RPS6KA2: variants seen among roughly 807,000 people sequenced by gnomAD.
The protein encoded by RPS6KA2 is ribosomal protein S6 kinase A2.
Under a neutral mutation model 91.8 loss-of-function variants are expected in RPS6KA2, and 42 were observed. The observed-to-expected ratio is 0.46, with a 90% CI of 0.36 to 0.59. RPS6KA2 has a LOEUF of 0.59. RPS6KA2 is among the 20% of genes least tolerant of loss of function. RPS6KA2 has a pLI of 0.00. For synonymous variants in RPS6KA2, 414 were observed against 393.6 expected (o/e 1.05, Z -0.61); for missense variants, 798 against 978.5 (o/e 0.82, Z 2.46).
chr6:166,617,003 G>A (rs903507929), intron 1 of RPS6KA2, among the ~76,000 whole-genome samples: 2 of 152,256 alleles, frequency 1.3e-5, no homozygotes, highest in Non-Finnish European at 2.9e-5. Context: ...AGGTACAGGA[G>A]AGCCCTTGAC....
At chr6:166,819,408 C>T (rs953262650) in intron 2 of RPS6KA2, among the ~76,000 whole-genome samples, 1 of 152,106 alleles carries the variant, frequency 6.6e-6, no homozygotes, top group African/African-American at 2.4e-5. Context: ...CTCTGCAACC[C>T]CATATACCCA....
chr6:166,508,369 T>TG lies in RPS6KA2; in HGVS notation c.380-88dup. 1.1e-6 allele frequency: 1 copy of TG among 877,862 alleles called. No individual in the cohort carries two copies. The highest frequency in any genetic ancestry group is 1.9e-6 in the Non-Finnish European group (1 of 534,652). The allele number at this position is 877,862 out of a possible 1,614,324, so 54.4% of individuals were successfully genotyped here. A position where few individuals can be genotyped will look rare whatever the true frequency, so the allele number is the denominator to read the frequency against. On this transcript the variant is annotated intron_variant, in intron 4 of 20. Transcript: ENST00000265678. The surrounding 1 kb of genome is among the most constrained non-coding windows in gnomAD (Gnocchi z 4.3). ...TCTGGCTTCTCCCTGCTCACGGTGC[T>TG]GCTTACTCCGGGAGGCTGAGTCACT...
intron 1 of RPS6KA2, among the ~76,000 whole-genome samples, chr6:166,559,333 T>C (rs977002386): frequency 1.3e-5 from 2 of 152,164 alleles, no homozygotes; most frequent in Non-Finnish European, 2.9e-5. Flanking sequence ...AGAAAATACA[T>C]GGGTAGGATG....
chr6:166,851,638 T>TGGA (rs1456480014), intron 2 of RPS6KA2, among the ~76,000 whole-genome samples: 9 of 152,188 alleles, frequency 5.9e-5, no homozygotes, highest in African/African-American at 1.7e-4. Context: ...CGGGACACAG[T>TGGA]CTCCAGCCGG....
In RPS6KA2 at chr6:166,419,970, C is replaced by A. The variant is rs200749590; in HGVS notation, c.1744-12G>T. On this transcript the variant is annotated splice_polypyrimidine_tract_variant and intron_variant, in intron 17 of 20. Transcript: ENST00000265678. The surrounding 1 kb of genome is among the most constrained non-coding windows in gnomAD (Gnocchi z 5.6). ...TGACGCTTCAGGACCTAGGAGGGAA[C>A]GACAGGACACCGGCACGCCCTTCAC... is the stretch of plus-strand genomic sequence containing the variant. 6.2e-7 allele frequency: 1 copy of A among 1,612,502 alleles called. No individual in the cohort carries two copies. The highest frequency in any genetic ancestry group is 8.5e-7 in the Non-Finnish European group (1 of 1,178,832).
chr6:166,548,676 ATAAT>A (rs1783903709), intron 1 of RPS6KA2, among the ~76,000 whole-genome samples: 1 of 152,248 alleles, frequency 6.6e-6, no homozygotes, highest in African/African-American at 2.4e-5. Context: ...CTCTTATACA[ATAAT>A]TAACTGAAAA....
intron 2 of RPS6KA2, among the ~76,000 whole-genome samples, chr6:166,745,193 C>A (rs1790959960): frequency 6.7e-6 from 1 of 148,956 alleles, no homozygotes. Flanking sequence ...CCCTTGTTGC[C>A]CAGGCTGGAG....
In RPS6KA2 at chr6:166,533,617, C is replaced by G. The variant is rs112231219; in HGVS notation, c.217-2304G>C. Reference sequence around the variant, plus strand: ...CTCCCTGCTGTGGCAACTGAGGACACCTGGTGCAGGACAAACCGGGCAGCC... The same window carrying G: ...CTCCCTGCTGTGGCAACTGAGGACAGCTGGTGCAGGACAAACCGGGCAGCC... On this transcript the variant is annotated intron_variant, in intron 2 of 20. Transcript: ENST00000265678. This position sits in a 1 kb window ranked among gnomAD's most constrained non-coding sequence, Gnocchi z 4.0. Among the ~76,000 whole-genome samples the G allele has an allele frequency of 0.027, 4,040 of 152,296 alleles. 173 individuals are homozygous for G. Among genetic ancestry groups the G allele is most frequent in the African/African-American group, 0.09 (3,734 of 41,544 alleles).
At chr6:166,467,819 G>A (rs146124844) in intron 11 of RPS6KA2, among the ~76,000 whole-genome samples, 88 of 152,380 alleles carry the variant, frequency 5.8e-4, no homozygotes, top group South Asian at 2.1e-3. Context: ...CAAGACCCAC[G>A]GGTGCAGGAC....
chr6:166,759,537 C>G (rs1778111195), intron 2 of RPS6KA2, among the ~76,000 whole-genome samples: 1 of 152,224 alleles, frequency 6.6e-6, no homozygotes, highest in African/African-American at 2.4e-5. Flanking sequence ...GAAATTTCGT[C>G]TCTGTGATTT....
At chr6:166,784,273 G>A (rs866964588) in intron 2 of RPS6KA2, among the ~76,000 whole-genome samples, 4 of 934 alleles carry the variant, frequency 4.3e-3, no homozygotes, top group African/African-American at 7.9e-3. Context: ...AACCACATAT[G>A]CACACGTGCA....
chr6:166,590,112 G>T (rs1166038731), intron 1 of RPS6KA2, among the ~76,000 whole-genome samples: 3 of 152,154 alleles, frequency 2.0e-5, no homozygotes, highest in Non-Finnish European at 2.9e-5. Flanking sequence ...AAGACACAGG[G>T]GCTGGAATTG....
chr6:166,504,351 G>A (rs1330390264), intron 6 of RPS6KA2, among the ~76,000 whole-genome samples, 155 bp downstream of exon 6: 2 of 152,236 alleles, frequency 1.3e-5, no homozygotes, highest in Non-Finnish European at 2.9e-5. Flanking sequence ...CCTGATGCCT[G>A]AGCCGGTCCT....
At chr6:166,656,748 G>A (rs1162376643) in intron 2 of RPS6KA2, among the ~76,000 whole-genome samples, 2 of 152,232 alleles carry the variant, frequency 1.3e-5, no homozygotes. Context: ...AGAATTCCCT[G>A]TGGAAAAGGG....
At chr6:166,601,843 A>G (rs577735993) in intron 1 of RPS6KA2, among the ~76,000 whole-genome samples, 1 of 152,264 alleles carries the variant, frequency 6.6e-6, no homozygotes, top group South Asian at 2.1e-4. Context: ...TAGACTTCTT[A>G]ATTAAGACAC....
Position 166,557,661 on chromosome 6 carries a change from C to G in RPS6KA2, c.100-18877G>C, listed in dbSNP as rs1478710691. On this transcript the variant is annotated intron_variant, in intron 1 of 20. Transcript: ENST00000265678. The surrounding 1 kb of genome is among the most constrained non-coding windows in gnomAD (Gnocchi z 4.8). ...CCACATAATAGATATATAGAAAAGT[C>G]CAGGCAACTTACAGAAATAATACAG... is the stretch of plus-strand genomic sequence containing the variant. Among the ~76,000 whole-genome samples the G allele has an allele frequency of 6.6e-6, 1 of 152,092 alleles. No homozygotes were observed. Among genetic ancestry groups the G allele is most frequent in the Non-Finnish European group, 1.5e-5 (1 of 68,012 alleles).
At chr6:166,565,964 G>A (rs1254415629) in intron 1 of RPS6KA2, among the ~76,000 whole-genome samples, 1 of 152,206 alleles carries the variant, frequency 6.6e-6, no homozygotes. Flanking sequence ...TCCCATCTTC[G>A]TGGACAACTG....
At chr6:166,451,369 T>C in intron 12 of RPS6KA2, 136 bp from the exon 13 acceptor site, 1 of 887,602 alleles carries the variant, frequency 1.1e-6, no homozygotes, top group Non-Finnish European at 1.7e-6. Flanking sequence ...GCACGTGGCG[T>C]ATGCCTGTGG....
chr6:166,573,844 T>C (rs1382706603), intron 1 of RPS6KA2, among the ~76,000 whole-genome samples: 2 of 152,182 alleles, frequency 1.3e-5, no homozygotes, highest in African/African-American at 4.8e-5. Flanking sequence ...GAGAGAACTT[T>C]TAAATAGTTA....
Sources: allele counts gnomAD v4.1 joint callset (sites outside exome capture counted in the v4.1 genomes callset), GRCh38; gene constraint gnomAD v4.1.1; non-coding constraint Gnocchi (gnomAD v3.1); transcripts MANE v1.5; gene names NCBI Gene and HGNC (gene_info 2026-07-23, HGNC 2026-07-21).